The following LINGO2 variants were observed in gnomAD, a reference collection of about 807,000 sequenced individuals.
LINGO2 encodes leucine rich repeat and Ig domain containing 2, also known as leucine-rich repeat and immunoglobulin-like domain-containing nogo receptor-interacting protein 2.
A neutral mutation model predicts 30.6 loss-of-function variants in LINGO2; 14 were observed. The ratio of observed to expected loss-of-function variants is 0.46; its 90% CI spans 0.30 to 0.72. LINGO2 has a LOEUF of 0.72. Among genes scored for constraint, LINGO2 ranks in the 30% least tolerant of loss-of-function variants. LINGO2 has a pLI of 0.07. For missense variants in LINGO2, 729 were observed against 751.7 expected, an observed-to-expected ratio of 0.97 and a Z score of 0.35; for synonymous variants, 317 against 288.5, an observed-to-expected ratio of 1.10 and a Z score of -1.00.
At chr9:28,246,391 C>A (rs1822000625) in intron 4 of LINGO2, among the ~76,000 whole-genome samples, 1 of 152,092 alleles carries the variant, frequency 6.6e-6, no homozygotes, top group South Asian at 2.1e-4. Context: ...CTTGCCACTG[C>A]ACTCCAGTCT....
At chr9:28,577,769 CTG>C (rs748312500) in intron 1 of LINGO2, among the ~76,000 whole-genome samples, 1 of 152,098 alleles carries the variant, frequency 6.6e-6, no homozygotes, top group Non-Finnish European at 1.5e-5. Context: ...CAAAGTGAAA[CTG>C]TATAAATAAA....
At chr9:29,110,328 G>T in the LINGO2 span, among the ~76,000 whole-genome samples, 1 of 151,922 alleles carries the variant, frequency 6.6e-6, no homozygotes, top group South Asian at 2.1e-4. Context: ...CTACAGTTTT[G>T]TTTGTTTGTT....
At chr9:29,122,503 A>G in the LINGO2 span, among the ~76,000 whole-genome samples, 2 of 152,132 alleles carry the variant, frequency 1.3e-5, no homozygotes, top group Non-Finnish European at 2.9e-5. Context: ...GTGTTAAGAT[A>G]GCATCACGTT....
chr9:28,920,853 G>A, the LINGO2 span, among the ~76,000 whole-genome samples: 17,163 of 152,110 alleles, frequency 0.11, 963 homozygotes, highest in South Asian at 0.16. Flanking sequence ...TTGTTAGCAG[G>A]TCACTTAATC....
intron 2 of LINGO2, among the ~76,000 whole-genome samples, chr9:28,437,685 C>T (rs965077416): frequency 9.2e-5 from 14 of 152,094 alleles, no homozygotes; most frequent in Middle Eastern, 3.4e-3. Context: ...ATGCCATCTC[C>T]AATTGTTAAA....
the LINGO2 span, among the ~76,000 whole-genome samples, chr9:29,057,196 G>T: frequency 6.6e-6 from 1 of 151,824 alleles, no homozygotes; most frequent in Non-Finnish European, 1.5e-5. Flanking sequence ...TGGCAGTATG[G>T]TCATTTTCAC....
chr9:28,129,673 A>G lies in LINGO2; in HGVS notation c.-86-117268T>C, dbSNP rs1827330290. 6.6e-6 allele frequency: 1 copy of G among 152,230 alleles called. No individual in the cohort carries two copies. The highest frequency in any genetic ancestry group is 2.4e-5 in the African/African-American group (1 of 41,464). 9.4% of individuals were successfully genotyped at this position (152,230 alleles called of 1,614,324 possible). On this transcript the variant is annotated intron_variant, in intron 4 of 5. Coordinates refer to ENST00000379992, the Ensembl canonical transcript of LINGO2. This position sits in a 1 kb window ranked among gnomAD's most constrained non-coding sequence, Gnocchi z 4.0. ...GGGGAGAAAATCTTTGAAAAATCCA[A>G]ATTAGTTTTTATTAGTGGTCCCATT...
intron 3 of LINGO2, among the ~76,000 whole-genome samples, chr9:28,362,770 A>G (rs1820503265): frequency 6.6e-6 from 1 of 152,198 alleles, no homozygotes; most frequent in Admixed American, 6.5e-5. Context: ...CGCCCGACCC[A>G]GAAAAGTTAT....
At chr9:28,293,293 T>G (rs1003193336) in intron 4 of LINGO2, among the ~76,000 whole-genome samples, 2 of 152,064 alleles carry the variant, frequency 1.3e-5, no homozygotes, top group Non-Finnish European at 2.9e-5. Context: ...AGATGAGGTC[T>G]CACTTTGTTG....
the LINGO2 span, chr9:28,889,104 C>A: frequency 2.8e-6 from 1 of 353,490 alleles, no homozygotes; most frequent in Non-Finnish European, 5.7e-6. Flanking sequence ...GTGGGCATCC[C>A]AGACACTGGT....
At chr9:28,358,096 AT>A (rs1457168529) in intron 3 of LINGO2, among the ~76,000 whole-genome samples, 1 of 152,158 alleles carries the variant, frequency 6.6e-6, no homozygotes, top group African/African-American at 2.4e-5. Flanking sequence ...CACCAAAACT[AT>A]TTTATAATTT....
the LINGO2 span, among the ~76,000 whole-genome samples, chr9:28,895,294 C>G: frequency 6.6e-6 from 1 of 152,068 alleles, no homozygotes; most frequent in South Asian, 2.1e-4. Context: ...AACAAACAAG[C>G]AAACCTGGCA....
chr9:27,963,822 A>G (rs1819967714), intron 5 of LINGO2, among the ~76,000 whole-genome samples: 1 of 152,048 alleles, frequency 6.6e-6, no homozygotes, highest in Admixed American at 6.6e-5. Flanking sequence ...AGATATCTAA[A>G]AACTGTAACT....
At chr9:28,596,982 C>T (rs1004662751) in intron 1 of LINGO2, among the ~76,000 whole-genome samples, 1 of 152,046 alleles carries the variant, frequency 6.6e-6, no homozygotes, top group African/African-American at 2.4e-5. Flanking sequence ...AAGACAAATA[C>T]GTCTATCTAT....
At chr9:28,386,439 A>G (rs1261147720) in intron 2 of LINGO2, among the ~76,000 whole-genome samples, 1 of 152,186 alleles carries the variant, frequency 6.6e-6, no homozygotes, top group Admixed American at 6.6e-5. Flanking sequence ...AGTAGAAAAA[A>G]CATTTTAAAT....
intron 4 of LINGO2, among the ~76,000 whole-genome samples, chr9:28,050,411 C>T (rs955814139): frequency 1.3e-5 from 2 of 150,602 alleles, no homozygotes; most frequent in Non-Finnish European, 2.9e-5. Context: ...CAGATAAATC[C>T]TAAGTAAGGG....
chr9:28,451,533 A>C (rs1281343684), intron 2 of LINGO2, among the ~76,000 whole-genome samples: 1 of 151,830 alleles, frequency 6.6e-6, no homozygotes, highest in Non-Finnish European at 1.5e-5. Context: ...GGTTTTTATA[A>C]ACTCTTTATC....
the LINGO2 span, among the ~76,000 whole-genome samples, chr9:28,684,108 T>C: frequency 6.6e-6 from 1 of 151,958 alleles, no homozygotes; most frequent in African/African-American, 2.4e-5. Context: ...CCAGTAATTT[T>C]ATTTCCATTG....
intron 5 of LINGO2, among the ~76,000 whole-genome samples, chr9:27,991,874 G>A (rs1027168862): frequency 2.0e-5 from 3 of 152,010 alleles, no homozygotes; most frequent in African/African-American, 7.2e-5. Flanking sequence ...TCACTTTTCA[G>A]CTGAGCTGCC....
Sources: gnomAD v4.1 joint callset for allele counts (sites outside exome capture counted in the v4.1 genomes callset) on GRCh38, gnomAD v4.1.1 for gene constraint, Gnocchi (gnomAD v3.1) non-coding constraint, MANE v1.5 for transcripts, NCBI Gene and HGNC (gene_info 2026-07-23, HGNC 2026-07-21) for gene names.